The following CCDC73 variants were observed in gnomAD, a reference collection of about 807,000 sequenced individuals.
CCDC73 encodes coiled-coil domain containing 73, also known as coiled-coil domain-containing protein 73.
Under a neutral mutation model 116.5 loss-of-function variants are expected in CCDC73, and 95 were observed. The ratio of observed to expected loss-of-function variants is 0.82; its 90% CI spans 0.69 to 0.97. CCDC73 has a LOEUF of 0.97. CCDC73 is among the 50% of genes least tolerant of loss of function. The pLI, the probability that CCDC73 is intolerant of heterozygous loss-of-function variation, is 0.00. For missense variants in CCDC73, 1,066 were observed against 1,206.8 expected (o/e 0.88, Z 1.73); for synonymous variants, 398 against 401.3 (o/e 0.99, Z 0.10).
chr11:32,679,402 C>T (rs1005634848), intron 7 of CCDC73, among the ~76,000 whole-genome samples: 11 of 152,052 alleles, frequency 7.2e-5, no homozygotes, highest in Non-Finnish European at 1.3e-4. Flanking sequence ...CTCTCTCTGT[C>T]ACCCAGGGTG....
intron 1 of CCDC73, among the ~76,000 whole-genome samples, chr11:32,769,846 T>C (rs1325896816): frequency 1.3e-5 from 2 of 152,228 alleles, no homozygotes; most frequent in African/African-American, 4.8e-5. Context: ...TCCCTTCATA[T>C]TGCTGAGCAA....
At chr11:32,782,672 C>T (rs895697201) in intron 1 of CCDC73, among the ~76,000 whole-genome samples, 2 of 152,012 alleles carry the variant, frequency 1.3e-5, no homozygotes, top group African/African-American at 4.8e-5. Context: ...GAAACTCTTT[C>T]AAAAGAAATA....
chr11:32,610,660 A>G (rs1855412270), intron 17 of CCDC73, among the ~76,000 whole-genome samples: 1 of 152,178 alleles, frequency 6.6e-6, no homozygotes, highest in African/African-American at 2.4e-5. Context: ...TAATACATAT[A>G]TCCATACAGT....
intron 9 of CCDC73, among the ~76,000 whole-genome samples, chr11:32,668,511 A>C (rs964252557): frequency 1.3e-5 from 2 of 148,242 alleles, no homozygotes; most frequent in Non-Finnish European, 3.0e-5. Flanking sequence ...ATAAAATCAA[A>C]GATTGGATTT....
At chr11:32,749,877 CT>C (rs34801585) in intron 2 of CCDC73, among the ~76,000 whole-genome samples, 43,935 of 139,982 alleles carry the variant, frequency 0.31, 6,686 homozygotes, top group African/African-American at 0.36. Flanking sequence ...TTTTTTTTTT[CT>C]TTTTTTTTTT....
chr11:32,702,838 A>T, intron 4 of CCDC73, 35 bp downstream of exon 4: 1 of 1,395,992 alleles, frequency 7.2e-7, no homozygotes, highest in Non-Finnish European at 1.0e-6. Flanking sequence ...TGCAATATTT[A>T]AAATGGTAGT....
At chr11:32,653,869 C>A in intron 11 of CCDC73, 109 bp downstream of exon 11, 1 of 1,204,848 alleles carries the variant, frequency 8.3e-7, no homozygotes, top group Non-Finnish European at 1.1e-6. Flanking sequence ...ACATTTAATA[C>A]ACATTAACTG....
In CCDC73 at chr11:32,613,597, G is replaced by A. The variant is rs777271417; in HGVS notation, c.2721C>T (p.Pro907=). ...KTPVYMNFSD[P]GPWSKVNHIE... ...TGTGATTTACTTTTGACCAAGGACC[G>A]GGGTCTGAAAAATTCATGTATACTG... The change falls in exon 16 of 18, where the codon CCC becomes CCT. Residue 907 remains proline (P), a synonymous_variant. Coordinates refer to ENST00000335185, the MANE Select transcript of CCDC73 (RefSeq NM_001008391.4). 8.7e-6 allele frequency: 14 copies of A among 1,613,988 alleles called. No homozygotes were observed. The highest frequency in any genetic ancestry group is 3.3e-4 in the Middle Eastern group (2 of 6,062).
intron 4 of CCDC73, among the ~76,000 whole-genome samples, chr11:32,701,453 T>C (rs1032925656): frequency 6.6e-6 from 1 of 152,072 alleles, no homozygotes; most frequent in Non-Finnish European, 1.5e-5. Flanking sequence ...GTAATCCCAA[T>C]ACTTTGGGAA....
At chr11:32,742,653 A>G (rs1850198433) in intron 2 of CCDC73, among the ~76,000 whole-genome samples, 1 of 152,172 alleles carries the variant, frequency 6.6e-6, no homozygotes. Context: ...GAAGTTCTTT[A>G]GTTTAATTAG....
intron 1 of CCDC73, among the ~76,000 whole-genome samples, chr11:32,779,532 T>G (rs1284609347): frequency 2.6e-5 from 4 of 152,192 alleles, no homozygotes; most frequent in Admixed American, 6.5e-5. Context: ...CAATTCATAA[T>G]GCCAAAAGGC....
chr11:32,705,125 C>CAGCAGT (rs1849844892), intron 3 of CCDC73, among the ~76,000 whole-genome samples: 1 of 152,176 alleles, frequency 6.6e-6, no homozygotes, highest in Non-Finnish European at 1.5e-5. Context: ...CACCATTCAA[C>CAGCAGT]GGGAAACAGC....
At chr11:32,634,614 A>G (rs2133241754) in intron 14 of CCDC73, among the ~76,000 whole-genome samples, 1 of 152,296 alleles carries the variant, frequency 6.6e-6, no homozygotes, top group South Asian at 2.1e-4. Flanking sequence ...AAGCATGCCC[A>G]CTCTCACAAT....
chr11:32,715,652 C>A lies in CCDC73; in HGVS notation c.207+2424G>T, dbSNP rs187274637. Among the ~76,000 whole-genome samples, 34 of 152,210 alleles carry A rather than the reference C, an allele frequency of 2.2e-4. 1 individual carries two copies. Among genetic ancestry groups the A allele is most frequent in the African/African-American group, 7.5e-4 (31 of 41,546 alleles). On this transcript the variant is annotated intron_variant, in intron 3 of 17. Transcript: ENST00000335185. Reference sequence around the variant, plus strand: ...TGAAGAAGCAAAAGGGGACTGAGAACTAAAACCACCTGCATCAATATAACA... The same window carrying A: ...TGAAGAAGCAAAAGGGGACTGAGAAATAAAACCACCTGCATCAATATAACA...
At chr11:32,803,360 G>A in the CCDC73 span, among the ~76,000 whole-genome samples, 2 of 152,126 alleles carry the variant, frequency 1.3e-5, no homozygotes, top group Admixed American at 1.3e-4. Context: ...CAAAGTGCTG[G>A]GATTACAGGC....
At chr11:32,667,331 G>A (rs533093235) in intron 9 of CCDC73, among the ~76,000 whole-genome samples, 7 of 150,326 alleles carry the variant, frequency 4.7e-5, no homozygotes, top group South Asian at 2.1e-4. Flanking sequence ...CTTCCTGGCC[G>A]CTTTGTTTAC....
chr11:32,663,582 G>T (rs989517769), intron 9 of CCDC73, among the ~76,000 whole-genome samples: 4 of 152,192 alleles, frequency 2.6e-5, no homozygotes, highest in Admixed American at 6.5e-5. Context: ...ATTTTGGGCT[G>T]AGACAATGGG....
chr11:32,776,925 T>TA lies in CCDC73; in HGVS notation c.-15-16668dup, dbSNP rs747492382. 6.4e-3 allele frequency among the ~76,000 whole-genome samples: 815 copies of TA among 126,972 alleles called. 10 individuals are homozygous for TA. The highest frequency in any genetic ancestry group is 0.022 in the African/African-American group (687 of 31,924). 83.3% of individuals were successfully genotyped at this position (126,972 alleles called of 152,430 possible). A position where few individuals can be genotyped will look rare whatever the true frequency, so the allele number is the denominator to read the frequency against. On this transcript the variant is annotated intron_variant, in intron 1 of 17. Coordinates refer to ENST00000335185, the MANE Select transcript of CCDC73 (RefSeq NM_001008391.4). ...AGTATTTCTTCCTACAGAGTATGGT[T>TA]AAAAAAAAAAAATATATATATATAT...
At chr11:32,826,437 C>T in the CCDC73 span, among the ~76,000 whole-genome samples, 1 of 152,146 alleles carries the variant, frequency 6.6e-6, no homozygotes, top group South Asian at 2.1e-4. Flanking sequence ...TGTCACAGTC[C>T]TTGAGTCCAT....
Sources: gnomAD v4.1 joint callset for allele counts (sites outside exome capture counted in the v4.1 genomes callset) on GRCh38, gnomAD v4.1.1 for gene constraint, MANE v1.5 for transcripts, NCBI Gene and HGNC (gene_info 2026-07-23, HGNC 2026-07-21) for gene names.